ULK4: variants seen among roughly 807,000 people sequenced by gnomAD.
The protein encoded by ULK4 is inactive serine/threonine-protein kinase ULK4.
ULK4 carries 133 observed loss-of-function variants against 160.6 expected under a neutral mutation model. The observed-to-expected ratio is 0.83, with a 90% CI of 0.72 to 0.96. The LOEUF (loss-of-function observed/expected upper bound fraction) is 0.96. ULK4 is among the 40% of genes least tolerant of loss of function. The pLI is 0.00. For synonymous variants in ULK4, 534 were observed against 539.8 expected (o/e 0.99, Z 0.15); for missense variants, 1,580 against 1,499.5 (o/e 1.05, Z -0.89).
chr3:41,890,419 C>T (rs948291313), intron 16 of ULK4, among the ~76,000 whole-genome samples: 6 of 152,042 alleles, frequency 3.9e-5, no homozygotes, highest in African/African-American at 1.4e-4. Context: ...GTGGCTCACA[C>T]CTGTAATCCC....
At chr3:41,516,272 G>C (rs182326334) in intron 32 of ULK4, among the ~76,000 whole-genome samples, 4 of 152,110 alleles carry the variant, frequency 2.6e-5, no homozygotes, top group Non-Finnish European at 5.9e-5. Flanking sequence ...GTACAGATTT[G>C]AAAATAAGTA....
At chr3:41,677,886 G>A (rs115004164) in intron 29 of ULK4, among the ~76,000 whole-genome samples, 401 of 152,176 alleles carry the variant, frequency 2.6e-3, no homozygotes, top group African/African-American at 9.1e-3. Context: ...GGAAGCAAAT[G>A]GTCCTCCCTA....
At chr3:41,898,920 C>T (rs561916398) in intron 13 of ULK4, among the ~76,000 whole-genome samples, 1 of 152,160 alleles carries the variant, frequency 6.6e-6, no homozygotes, top group Admixed American at 6.5e-5. Flanking sequence ...GACAAACATT[C>T]GATAAACAAC....
At chr3:41,781,598 A>G (rs748524305) in intron 21 of ULK4, among the ~76,000 whole-genome samples, 31 of 152,210 alleles carry the variant, frequency 2.0e-4, no homozygotes, top group Non-Finnish European at 4.0e-4. Flanking sequence ...AAAATAATTC[A>G]GAGGAAGAAG....
intron 35 of ULK4, among the ~76,000 whole-genome samples, chr3:41,280,925 GAA>G (rs1449018316): frequency 6.6e-6 from 1 of 151,950 alleles, no homozygotes; most frequent in African/African-American, 2.4e-5. Context: ...TAATAAAGAA[GAA>G]AAGAGTGAAG....
intron 31 of ULK4, among the ~76,000 whole-genome samples, chr3:41,614,325 C>G (rs1262181789): frequency 1.3e-5 from 2 of 152,212 alleles, no homozygotes; most frequent in Non-Finnish European, 2.9e-5. Flanking sequence ...GTTTGGACAG[C>G]TTTGGCTCTT....
chr3:41,913,195 AC>A, intron 8 of ULK4: 1 of 238,712 alleles, frequency 4.2e-6, no homozygotes, highest in Non-Finnish European at 7.9e-6. Flanking sequence ...CCTAGGAAAA[AC>A]GGAGTCGATA....
intron 35 of ULK4, among the ~76,000 whole-genome samples, chr3:41,379,005 T>G (rs1241560053): frequency 2.0e-5 from 3 of 151,792 alleles, no homozygotes. Flanking sequence ...AGCTGAACAA[T>G]GAGAGCATAT....
At chr3:41,505,984 A>T (rs2085359345) in intron 32 of ULK4, among the ~76,000 whole-genome samples, 1 of 152,250 alleles carries the variant, frequency 6.6e-6, no homozygotes, top group Admixed American at 6.5e-5. Context: ...ATTCCCTTTT[A>T]ATCTTAGTAA....
intron 27 of ULK4, among the ~76,000 whole-genome samples, chr3:41,685,869 T>C (rs1350856836): frequency 6.6e-6 from 1 of 152,134 alleles, no homozygotes; most frequent in Non-Finnish European, 1.5e-5. Context: ...CTCATGTCAA[T>C]TTCTATTGCA....
chr3:41,459,083 G>A (rs377399600), intron 33 of ULK4, among the ~76,000 whole-genome samples: 52 of 141,184 alleles, frequency 3.7e-4, no homozygotes, highest in African/African-American at 1.2e-3. Flanking sequence ...ATGGAGTCTC[G>A]CTCTGTCACC....
chr3:41,940,343 G>A (rs887820417), intron 2 of ULK4, among the ~76,000 whole-genome samples: 1 of 152,122 alleles, frequency 6.6e-6, no homozygotes, highest in Non-Finnish European at 1.5e-5. Flanking sequence ...CTTGGCTGCA[G>A]CACCTGATTA....
intron 7 of ULK4, among the ~76,000 whole-genome samples, chr3:41,917,824 C>CA (rs1402484307): frequency 6.6e-6 from 1 of 151,564 alleles, no homozygotes; most frequent in Non-Finnish European, 1.5e-5. Flanking sequence ...TAATAAAAAA[C>CA]AAAAAACAAA....
chr3:41,486,427 G>C (rs1314369302), intron 32 of ULK4, among the ~76,000 whole-genome samples: 1 of 152,192 alleles, frequency 6.6e-6, no homozygotes, highest in African/African-American at 2.4e-5. Flanking sequence ...AGGCTACTCA[G>C]AGCTTGCTAT....
At chr3:41,771,835 T>A (rs572048639) in intron 21 of ULK4, among the ~76,000 whole-genome samples, 1 of 152,204 alleles carries the variant, frequency 6.6e-6, no homozygotes, top group African/African-American at 2.4e-5. Flanking sequence ...GTTTCAAACA[T>A]ACAATAGAGT....
chr3:41,387,709 T>C (rs914883343), intron 35 of ULK4, among the ~76,000 whole-genome samples: 2 of 152,226 alleles, frequency 1.3e-5, no homozygotes, highest in South Asian at 4.1e-4. Flanking sequence ...GAACTCATCC[T>C]TTTTTATGGC....
chr3:41,794,108 T>C, intron 20 of ULK4, among the ~76,000 whole-genome samples: 1 of 152,186 alleles, frequency 6.6e-6, no homozygotes, highest in Non-Finnish European at 1.5e-5. Context: ...ATGTTGCTGG[T>C]GTGGAGAACA....
chr3:41,753,816 G>T (rs2038705803), intron 22 of ULK4, among the ~76,000 whole-genome samples: 1 of 152,206 alleles, frequency 6.6e-6, no homozygotes, highest in African/African-American at 2.4e-5. Context: ...AGAAATATCT[G>T]AGATTGGGTA....
intron 17 of ULK4, among the ~76,000 whole-genome samples, chr3:41,856,547 ATGTG>A (rs1329901726): frequency 5.4e-4 from 41 of 76,062 alleles, no homozygotes; most frequent in African/African-American, 2.1e-3. Context: ...GTATATATAT[ATGTG>A]TATATATATA....
Sources: gnomAD v4.1 joint callset for allele counts (sites outside exome capture counted in the v4.1 genomes callset) on GRCh38, gnomAD v4.1.1 for gene constraint, MANE v1.5 for transcripts, NCBI Gene and HGNC (gene_info 2026-07-23, HGNC 2026-07-21) for gene names.